Variants in NUP93 observed in about 807,000 individuals in gnomAD.
NUP93 encodes nuclear pore complex protein Nup93.
Under a neutral mutation model 107.8 loss-of-function variants are expected in NUP93, and 55 were observed. The ratio of observed to expected loss-of-function variants is 0.51; its 90% CI spans 0.41 to 0.64. The LOEUF (loss-of-function observed/expected upper bound fraction) is 0.64. Among genes scored for constraint, NUP93 ranks in the 30% least tolerant of loss-of-function variants. The pLI, the probability that NUP93 is intolerant of heterozygous loss-of-function variation, is 0.00. For synonymous variants in NUP93, 390 were observed against 397.5 expected, an observed-to-expected ratio of 0.98 and a Z score of 0.22; for missense variants, 937 against 1,044.7, an observed-to-expected ratio of 0.90 and a Z score of 1.42.
chr16:56,830,820 C>T (rs1963769173), intron 10 of NUP93, 135 bp downstream of exon 10: 1 of 724,802 alleles, frequency 1.4e-6, no homozygotes. Flanking sequence ...GTTTTGAAAG[C>T]AAATAGAACT....
At chr16:56,761,729 T>G (rs1962130652) in intron 3 of NUP93, among the ~76,000 whole-genome samples, 1 of 152,238 alleles carries the variant, frequency 6.6e-6, no homozygotes, top group African/African-American at 2.4e-5. Context: ...TTTGCATTAC[T>G]TATAAGCTTA....
At chr16:56,816,623 A>T (rs1963438473) in intron 5 of NUP93, among the ~76,000 whole-genome samples, 1 of 152,212 alleles carries the variant, frequency 6.6e-6, no homozygotes, top group African/African-American at 2.4e-5. Context: ...CAGTAAAAGC[A>T]GAAGCTGTCC....
chr16:56,737,607 T>C (rs1017631002), intron 1 of NUP93, among the ~76,000 whole-genome samples: 1 of 147,948 alleles, frequency 6.8e-6, no homozygotes, highest in African/African-American at 2.5e-5. Flanking sequence ...TCCATATAAA[T>C]GGAGTCATAC....
chr16:56,802,588 CA>C (rs10711850), intron 4 of NUP93, among the ~76,000 whole-genome samples: 133,733 of 152,186 alleles, frequency 0.88, 59,077 homozygotes, highest in East Asian at 0.99. Flanking sequence ...AATCACGTGT[CA>C]TATGTGTATG....
rs1567418285 is a variant in NUP93, at chr16:56,848,730, G to A, written c.*4121G>A. ...CACATAACTTGTGACTGGCTAGATAGGCCACGTGTATTTATCAGCCAAGAT... is the reference window on the plus strand; with the variant it reads ...CACATAACTTGTGACTGGCTAGATAAGCCACGTGTATTTATCAGCCAAGAT... On this transcript the variant is annotated 3_prime_UTR_variant, in exon 22 of 22. Coordinates refer to ENST00000308159, the MANE Select transcript of NUP93 (RefSeq NM_014669.5). The A allele has an allele frequency of 6.6e-6, 1 of 152,348 alleles. No homozygotes were observed. The highest frequency in any genetic ancestry group is 1.9e-4 in the East Asian group (1 of 5,190). The allele number at this position is 152,348 out of a possible 1,614,324, so 9.4% of individuals were successfully genotyped here. A position where few individuals can be genotyped will look rare whatever the true frequency, so the allele number is the denominator to read the frequency against.
chr16:56,834,849 T>C, intron 16 of NUP93, 71 bp downstream of exon 16: 2 of 1,236,530 alleles, frequency 1.6e-6, no homozygotes, highest in South Asian at 1.3e-5. Context: ...AAAATACACT[T>C]AGATTTTAAG....
intron 21 of NUP93, 34 bp downstream of exon 21, chr16:56,841,867 A>T (rs780793561): frequency 1.2e-6 from 2 of 1,611,608 alleles, no homozygotes; most frequent in East Asian, 4.5e-5. Context: ...AACATTGCTA[A>T]GCACCACCTT....
chr16:56,821,709 G>A (rs1963548181), intron 7 of NUP93, 116 bp downstream of exon 7: 1 of 627,970 alleles, frequency 1.6e-6, no homozygotes, highest in Admixed American at 2.6e-5. Flanking sequence ...GGAATGAAAT[G>A]TTAACTGTTC....
intron 8 of NUP93, among the ~76,000 whole-genome samples, chr16:56,824,317 GA>G (rs1158422784): frequency 6.6e-6 from 1 of 152,096 alleles, no homozygotes; most frequent in Non-Finnish European, 1.5e-5. Flanking sequence ...GGGTCATTCT[GA>G]GCTGATAATG....
At chr16:56,790,096 TCAAAACAAAA>T (rs57242557) in intron 3 of NUP93, among the ~76,000 whole-genome samples, 167 of 149,318 alleles carry the variant, frequency 1.1e-3, no homozygotes, top group African/African-American at 3.6e-3. Flanking sequence ...AAACTCCATC[TCAAAACAAAA>T]CAAAACAAAA....
Position 56,818,735 on chromosome 16 carries a change from G to T in NUP93, c.561G>T (p.Arg187=). 1 of 1,613,420 alleles carries T rather than the reference G, an allele frequency of 6.2e-7. No individual in the cohort carries two copies. The highest frequency in any genetic ancestry group is 8.5e-7 in the Non-Finnish European group (1 of 1,179,406). ...ATAACATCGAGATGGCCTATGCGCG[G>T]CAAGTGAGTGTGATTTTAAGGGGGA... ...SLDNIEMAYA[R]QIYIYNEKIV... The change falls in exon 6 of 22, where the codon CGG becomes CGT. Residue 187 remains arginine, a synonymous_variant. Transcript: ENST00000308159.
intron 1 of NUP93, among the ~76,000 whole-genome samples, chr16:56,742,052 A>G (rs1961748175): frequency 6.6e-6 from 1 of 152,224 alleles, no homozygotes; most frequent in Admixed American, 6.5e-5. Context: ...GGTGATAAGG[A>G]AAAGGGAAAA....
chr16:56,793,413 G>C (rs1389578997), intron 3 of NUP93, among the ~76,000 whole-genome samples: 1 of 152,136 alleles, frequency 6.6e-6, no homozygotes, highest in Non-Finnish European at 1.5e-5. Context: ...TTAGATGCTG[G>C]CATCTACCAG....
intron 2 of NUP93, among the ~76,000 whole-genome samples, chr16:56,748,629 A>G (rs1961863543): frequency 6.6e-6 from 1 of 152,074 alleles, no homozygotes; most frequent in Non-Finnish European, 1.5e-5. Context: ...CTGCCTCACC[A>G]AGTTATGAGC....
intron 4 of NUP93, 103 bp from the exon 5 acceptor site, chr16:56,805,401 G>A: frequency 8.0e-7 from 1 of 1,251,248 alleles, no homozygotes; most frequent in Non-Finnish European, 1.1e-6. Context: ...TCTACCTATG[G>A]AGAAGTGGTT....
At chr16:56,769,521 C>T (rs1962282023) in intron 3 of NUP93, among the ~76,000 whole-genome samples, 1 of 152,110 alleles carries the variant, frequency 6.6e-6, no homozygotes, top group African/African-American at 2.4e-5. Flanking sequence ...TAGTTTTCTG[C>T]TTGCTGAGCT....
rs144766409 is a variant in NUP93 at position 56,787,430 on chromosome 16, C to G, written c.298-11046C>G. ...TGACTAACAGTGCTCCTTGTGCTTG[C>G]TAAGTAGAACTCGAGGCTTAATCCT... On this transcript the variant is annotated intron_variant, in intron 3 of 21. Transcript: ENST00000308159. Among the ~76,000 whole-genome samples the G allele has an allele frequency of 1.6e-4, 25 of 152,298 alleles. No individual in the cohort carries two copies. In the East Asian group the frequency reaches 4.8e-3, roughly 29 times the overall value.
At chr16:56,775,379 C>T (rs1016302148) in intron 3 of NUP93, among the ~76,000 whole-genome samples, 5 of 152,142 alleles carry the variant, frequency 3.3e-5, no homozygotes, top group Non-Finnish European at 7.4e-5. Context: ...GTTAATCAGT[C>T]ATGTTGAGCA....
chr16:56,735,486 C>T (rs151132285), intron 1 of NUP93, among the ~76,000 whole-genome samples: 16 of 152,188 alleles, frequency 1.1e-4, no homozygotes, highest in African/African-American at 3.9e-4. Flanking sequence ...CAGTGACTCA[C>T]CTGGATGGAT....
Sources: gnomAD v4.1 joint callset for allele counts (sites outside exome capture counted in the v4.1 genomes callset) on GRCh38, gnomAD v4.1.1 for gene constraint, MANE v1.5 for transcripts, NCBI Gene and HGNC (gene_info 2026-07-23, HGNC 2026-07-21) for gene names.